Variants in SEMA3A observed in about 807,000 individuals in gnomAD.
SEMA3A encodes the protein semaphorin 3A, also known as semaphorin-3A.
A neutral mutation model predicts 97.9 loss-of-function variants in SEMA3A; 29 were observed. That is an observed-to-expected ratio of 0.30 (90% CI 0.22 to 0.40). SEMA3A has a LOEUF of 0.40. Ranked by LOEUF, SEMA3A falls within the 10% of genes least tolerant of loss-of-function variation. SEMA3A has a pLI of 1.00. For synonymous variants in SEMA3A, 321 were observed against 323.7 expected (o/e 0.99, Z 0.09); for missense variants, 763 against 951.3 (o/e 0.80, Z 2.60).
intron 1 of SEMA3A, among the ~76,000 whole-genome samples, chr7:84,151,236 T>G (rs1289626013): frequency 6.6e-6 from 1 of 152,100 alleles, no homozygotes; most frequent in Non-Finnish European, 1.5e-5. Flanking sequence ...CTAAGCTGGA[T>G]GGAGAATGAC....
intron 1 of SEMA3A, among the ~76,000 whole-genome samples, chr7:84,180,944 T>C (rs1224204717): frequency 7.2e-5 from 11 of 152,148 alleles, no homozygotes; most frequent in Non-Finnish European, 1.5e-5. Flanking sequence ...CACTTATTGG[T>C]TCCCTTAAGT....
intron 1 of SEMA3A, among the ~76,000 whole-genome samples, chr7:84,143,735 G>C (rs1194532673): frequency 6.6e-6 from 1 of 151,664 alleles, no homozygotes; most frequent in African/African-American, 2.4e-5. Flanking sequence ...GCTGAGCAGG[G>C]AGGATGTTTT....
At chr7:84,006,270 C>T (rs4732529) in intron 10 of SEMA3A, among the ~76,000 whole-genome samples, 24,488 of 151,944 alleles carry the variant, frequency 0.16, 2,344 homozygotes, top group East Asian at 0.36. Context: ...TGCTAAAATA[C>T]AAATTCTCTT....
chr7:84,029,868 CTT>C (rs1382089616), intron 6 of SEMA3A, among the ~76,000 whole-genome samples: 1 of 151,464 alleles, frequency 6.6e-6, no homozygotes, highest in Non-Finnish European at 1.5e-5. Flanking sequence ...TGGATATTGA[CTT>C]TGATTACATT....
chr7:84,402,922 G>C (rs1803947623), intron 1 of SEMA3A, among the ~76,000 whole-genome samples: 1 of 152,132 alleles, frequency 6.6e-6, no homozygotes, highest in African/African-American at 2.4e-5. Flanking sequence ...TAGTGGGGTA[G>C]AGAGTTGAAG....
At chr7:84,030,980 T>C (rs950983828) in intron 6 of SEMA3A, among the ~76,000 whole-genome samples, 14 of 148,122 alleles carry the variant, frequency 9.5e-5, no homozygotes, top group African/African-American at 3.2e-4. Flanking sequence ...GTGTTACTTT[T>C]GGTCAAGTTT....
chr7:84,086,222 C>T (rs904730059), intron 4 of SEMA3A, among the ~76,000 whole-genome samples: 1 of 151,642 alleles, frequency 6.6e-6, no homozygotes, highest in African/African-American at 2.4e-5. Flanking sequence ...TGCATTAAAC[C>T]ACAGCAGCAC....
At chr7:84,150,021 T>TA (rs1379859914) in intron 1 of SEMA3A, among the ~76,000 whole-genome samples, 1 of 152,226 alleles carries the variant, frequency 6.6e-6, no homozygotes, top group African/African-American at 2.4e-5. Context: ...GTAAAGAGTT[T>TA]AAAAATGAGT....
chr7:84,446,686 C>T (rs1032415471), intron 1 of SEMA3A, among the ~76,000 whole-genome samples: 2 of 152,176 alleles, frequency 1.3e-5, no homozygotes, highest in Non-Finnish European at 2.9e-5. Context: ...TATGAAAGCA[C>T]TCAAGGAATA....
At chr7:84,249,872 T>G (rs1412277225) in intron 3 of SEMA3A, among the ~76,000 whole-genome samples, 1 of 150,612 alleles carries the variant, frequency 6.6e-6, no homozygotes. Context: ...ATTATTTACA[T>G]AAAATAAAAT....
chr7:84,315,509 A>G (rs976396421), intron 2 of SEMA3A, among the ~76,000 whole-genome samples: 1 of 152,156 alleles, frequency 6.6e-6, no homozygotes, highest in African/African-American at 2.4e-5. Context: ...CTGGTTAAAA[A>G]CAGACTTCAA....
At chr7:84,448,083 C>G (rs1467909335) in intron 1 of SEMA3A, among the ~76,000 whole-genome samples, 2 of 152,168 alleles carry the variant, frequency 1.3e-5, no homozygotes, top group South Asian at 4.1e-4. Context: ...ATACACCCTT[C>G]GTCGCTCCCT....
chr7:84,143,945 TCTCTAACA>T (rs1424194538), intron 1 of SEMA3A, among the ~76,000 whole-genome samples: 2 of 110,348 alleles, frequency 1.8e-5, no homozygotes, highest in Non-Finnish European at 2.0e-5. Context: ...TCTCTCTCTC[TCTCTAACA>T]CACACACACA....
At chr7:84,471,789 C>G (rs1161837176) in intron 1 of SEMA3A, among the ~76,000 whole-genome samples, 1 of 151,994 alleles carries the variant, frequency 6.6e-6, no homozygotes, top group East Asian at 1.9e-4. Context: ...TTCTTGGTTT[C>G]TAGGGAAACA....
At chr7:84,030,923 T>C (rs1791723200) in intron 6 of SEMA3A, among the ~76,000 whole-genome samples, 2 of 151,956 alleles carry the variant, frequency 1.3e-5, no homozygotes, top group Admixed American at 1.3e-4. Context: ...ATAGATTGTA[T>C]AATTTTATTT....
Position 83,964,851 on chromosome 7 carries a change from G to GT in SEMA3A, c.1718-1505dup, listed in dbSNP as rs932002067. Among the ~76,000 whole-genome samples, 687 of 151,360 alleles carry GT rather than the reference G, an allele frequency of 4.5e-3. 4 individuals are homozygous for GT. The highest frequency in any genetic ancestry group is 0.016 in the African/African-American group (656 of 41,266). ...TGCCAATATCTATATTGTATAGGCT[G>GT]TTTTTTTTTCCCCTCTGAGATTATT... is the stretch of plus-strand genomic sequence containing the variant. On this transcript the variant is annotated intron_variant, in intron 15 of 16. Coordinates refer to ENST00000265362, the MANE Select transcript of SEMA3A (RefSeq NM_006080.3).
At chr7:84,308,413 C>T (rs1801220893) in intron 2 of SEMA3A, among the ~76,000 whole-genome samples, 2 of 152,128 alleles carry the variant, frequency 1.3e-5, no homozygotes, top group Admixed American at 1.3e-4. Context: ...CCCTTGGATA[C>T]ATGCATCATG....
intron 1 of SEMA3A, among the ~76,000 whole-genome samples, chr7:84,150,941 T>G (rs575730389): frequency 2.9e-5 from 4 of 139,814 alleles, no homozygotes; most frequent in African/African-American, 5.2e-5. Context: ...CCCTGACCCC[T>G]GAGCAGCCTA....
At chr7:84,390,159 T>G (rs1803503353) in intron 1 of SEMA3A, among the ~76,000 whole-genome samples, 1 of 152,088 alleles carries the variant, frequency 6.6e-6, no homozygotes, top group African/African-American at 2.4e-5. Context: ...AATACATGAT[T>G]GTGTTTTGGG....
Sources: allele counts gnomAD v4.1 joint callset (sites outside exome capture counted in the v4.1 genomes callset), GRCh38; gene constraint gnomAD v4.1.1; transcripts MANE v1.5; gene names NCBI Gene and HGNC (gene_info 2026-07-23, HGNC 2026-07-21).